Variants in SLC9B1 observed in about 807,000 individuals in gnomAD.
SLC9B1 encodes sodium/hydrogen exchanger 9B1.
SLC9B1 carries 32 observed loss-of-function variants against 51.7 expected under a neutral mutation model. That is an observed-to-expected ratio of 0.62 (90% CI 0.47 to 0.83). The LOEUF (loss-of-function observed/expected upper bound fraction) is 0.83. Ranked by LOEUF, SLC9B1 falls within the 40% of genes least tolerant of loss-of-function variation. The pLI is 0.00. For synonymous variants in SLC9B1, 145 were observed against 212.7 expected (o/e 0.68, Z 2.77); for missense variants, 406 against 613.2 (o/e 0.66, Z 3.57).
intron 3 of SLC9B1, among the ~76,000 whole-genome samples, chr4:102,959,235 T>TATACAC (rs1005783670): frequency 4.4e-4 from 66 of 149,346 alleles, no homozygotes; most frequent in African/African-American, 1.6e-3. Context: ...CATATATATA[T>TATACAC]ACACACACAC....
chr4:102,924,372 G>C (rs908702964), intron 7 of SLC9B1, among the ~76,000 whole-genome samples: 1 of 152,128 alleles, frequency 6.6e-6, no homozygotes, highest in African/African-American at 2.4e-5. Context: ...AACTGAAACT[G>C]GATCCCTTCC....
intron 3 of SLC9B1, among the ~76,000 whole-genome samples, chr4:102,954,966 C>G (rs1426760017): frequency 6.6e-6 from 1 of 152,142 alleles, no homozygotes; most frequent in Non-Finnish European, 1.5e-5. Context: ...ACCCTGAAAA[C>G]TCATCAAAGG....
At chr4:102,951,844 G>A (rs1433786136) in intron 3 of SLC9B1, among the ~76,000 whole-genome samples, 4 of 150,660 alleles carry the variant, frequency 2.7e-5, no homozygotes. Flanking sequence ...GAATTGATTA[G>A]GGTTTTTATT....
At chr4:102,922,001 A>G (rs1466723430) in intron 7 of SLC9B1, among the ~76,000 whole-genome samples, 1 of 152,218 alleles carries the variant, frequency 6.6e-6, no homozygotes, top group Non-Finnish European at 1.5e-5. Flanking sequence ...AGAAAGATCA[A>G]GAAGACAGAA....
At chr4:102,948,686 C>G (rs1200281642) in intron 4 of SLC9B1, among the ~76,000 whole-genome samples, 1 of 152,080 alleles carries the variant, frequency 6.6e-6, no homozygotes, top group Non-Finnish European at 1.5e-5. Context: ...AGCTGAACAC[C>G]ATTATCCTAA....
intron 11 of SLC9B1, chr4:102,891,931 C>T (rs1427748192): frequency 1.3e-5 from 2 of 152,156 alleles, no homozygotes; most frequent in Non-Finnish European, 2.9e-5. Flanking sequence ...ATAGAATATG[C>T]CCAAAGCTGT....
chr4:103,007,475 C>T (rs2110536947), intron 1 of SLC9B1, among the ~76,000 whole-genome samples: 1 of 151,542 alleles, frequency 6.6e-6, no homozygotes, highest in East Asian at 1.9e-4. Flanking sequence ...AGATATGACA[C>T]AAAGGGAAAA....
At chr4:102,899,324 T>A (rs1351847692), downstream of SLC9B1, among the ~76,000 whole-genome samples, 1 of 150,756 alleles carries the variant, frequency 6.6e-6, no homozygotes, top group African/African-American at 2.4e-5. Context: ...AAATTATTTA[T>A]CTCTCTTTTA....
At chr4:103,018,052 T>C (rs973837299) in intron 1 of SLC9B1, among the ~76,000 whole-genome samples, 2 of 152,230 alleles carry the variant, frequency 1.3e-5, no homozygotes, top group African/African-American at 4.8e-5. Context: ...AAAATATTTA[T>C]TGAACATATA....
At chr4:102,979,235 G>T (rs1206862135) in intron 3 of SLC9B1, among the ~76,000 whole-genome samples, 1 of 152,200 alleles carries the variant, frequency 6.6e-6, no homozygotes, top group Non-Finnish European at 1.5e-5. Flanking sequence ...TAGTTAACCT[G>T]ATTGGTGAGA....
chr4:103,014,126 C>T (rs1239436731), intron 1 of SLC9B1, among the ~76,000 whole-genome samples: 2 of 152,112 alleles, frequency 1.3e-5, no homozygotes. Flanking sequence ...TAACCTTGAC[C>T]CTGCCTACCT....
rs371379278 is a variant in SLC9B1, at chr4:102,946,676, T to A, written c.496A>T (p.Ile166Leu). 2.5e-6 allele frequency: 4 copies of A among 1,609,832 alleles called. No individual in the cohort carries two copies. Among genetic ancestry groups the A allele is most frequent in the Non-Finnish European group, 2.5e-6 (3 of 1,179,224 alleles). ...LRSIALTIIL[I>L]RAGLGLDPQA... ...GGATCGAGTCCAAGCCCAGCTCTTATTAGAATAATGGTAAGGGCAATGCTT... is the reference window on the plus strand; with the variant it reads ...GGATCGAGTCCAAGCCCAGCTCTTAATAGAATAATGGTAAGGGCAATGCTT... Residue 166 changes from isoleucine (I) to leucine (L), a missense_variant, in exon 5 of 12, where the codon ATA becomes TTA. By Grantham distance (5) the Ile-to-Leu change is conservative. This residue lies in a region of SLC9B1 where 250 missense variants were observed against 394.1 expected (regional missense o/e 0.63). Coordinates refer to ENST00000296422, the MANE Select transcript of SLC9B1 (RefSeq NM_139173.4).
In SLC9B1 at chr4:102,945,179, GAGAA is replaced by G. The variant is rs1560943741; in HGVS notation, c.653+10_653+13del. On this transcript the variant is annotated intron_variant, in intron 6 of 11. Coordinates refer to ENST00000296422, the MANE Select transcript of SLC9B1 (RefSeq NM_139173.4). Reference sequence around the variant, plus strand: ...ATTGAATATTTTCATAAGAAAAAATGAGAAAGAAATTACCCTAATAGAAATGCCC... The same window carrying G: ...ATTGAATATTTTCATAAGAAAAAATGAGAAATTACCCTAATAGAAATGCCC... 5 of 1,556,904 alleles carry G rather than the reference GAGAA, an allele frequency of 3.2e-6. No homozygotes were observed. The East Asian group carries it at 6.8e-5, about 21-fold the overall frequency.
chr4:103,017,685 C>G (rs1034915984), intron 1 of SLC9B1, among the ~76,000 whole-genome samples: 1 of 123,394 alleles, frequency 8.1e-6, no homozygotes, highest in African/African-American at 3.7e-5. Flanking sequence ...CTCCCCCAGT[C>G]TTAAGGAAGA....
intron 6 of SLC9B1, among the ~76,000 whole-genome samples, chr4:102,933,674 A>G (rs190924557): frequency 1.4e-4 from 21 of 152,174 alleles, no homozygotes; most frequent in East Asian, 9.7e-4. Flanking sequence ...GTTTTTTCCA[A>G]TGGGGTTTTC....
chr4:102,934,244 T>C (rs1463803933), intron 6 of SLC9B1, among the ~76,000 whole-genome samples: 1 of 152,226 alleles, frequency 6.6e-6, no homozygotes, highest in African/African-American at 2.4e-5. Flanking sequence ...AACAAGATAC[T>C]GTTTTTGTAA....
At chr4:102,909,319 A>G (rs1324278437) in intron 9 of SLC9B1, among the ~76,000 whole-genome samples, 2 of 151,322 alleles carry the variant, frequency 1.3e-5, no homozygotes, top group Non-Finnish European at 2.9e-5. Flanking sequence ...AGTCATTTCT[A>G]GGACTCTATC....
intron 11 of SLC9B1, chr4:102,890,840 T>TAAAAAAAAAAAAAAAAA (rs199492699): frequency 1.1e-4 from 8 of 76,170 alleles, no homozygotes; most frequent in African/African-American, 6.9e-4. Flanking sequence ...AACCCTATCT[T>TAAAAAAAAAAAAAAAAA]AAAAAAAAAA....
intron 11 of SLC9B1, among the ~76,000 whole-genome samples, chr4:102,902,710 A>C (rs1205142477): frequency 6.6e-6 from 1 of 152,212 alleles, no homozygotes; most frequent in Non-Finnish European, 1.5e-5. Context: ...GGACTTTATT[A>C]GATGATAAAT....
Sources: allele counts gnomAD v4.1 joint callset (sites outside exome capture counted in the v4.1 genomes callset), GRCh38; gene constraint gnomAD v4.1.1; regional missense constraint gnomAD v4.1.1; transcripts MANE v1.5; gene names NCBI Gene and HGNC (gene_info 2026-07-23, HGNC 2026-07-21).